The following RNF157 variants were observed in gnomAD, a reference collection of about 807,000 sequenced individuals.
RNF157 encodes E3 ubiquitin ligase RNF157.
Under a neutral mutation model 88.3 loss-of-function variants are expected in RNF157, and 55 were observed. That is an observed-to-expected ratio of 0.62 (90% CI 0.50 to 0.78). The LOEUF (loss-of-function observed/expected upper bound fraction) is 0.78, where lower values mean the gene tolerates loss of function less well. Ranked by LOEUF, RNF157 falls within the 30% of genes least tolerant of loss-of-function variation. The pLI, the probability that RNF157 is intolerant of heterozygous loss-of-function variation, is 0.00. For synonymous variants in RNF157, 334 were observed against 341.2 expected, an observed-to-expected ratio of 0.98 and a Z score of 0.23; for missense variants, 788 against 860.8, an observed-to-expected ratio of 0.92 and a Z score of 1.06.
intron 1 of RNF157, among the ~76,000 whole-genome samples, chr17:76,235,320 C>T (rs2070263280): frequency 6.6e-6 from 1 of 151,980 alleles, no homozygotes; most frequent in Non-Finnish European, 1.5e-5. Context: ...GCCTCAGCCT[C>T]CCGAGTAGTT....
intron 1 of RNF157, among the ~76,000 whole-genome samples, chr17:76,214,622 T>A (rs1169418514): frequency 6.6e-6 from 1 of 152,208 alleles, no homozygotes; most frequent in Non-Finnish European, 1.5e-5. Flanking sequence ...AATTTAATGC[T>A]ATGAAAGAAG....
intron 18 of RNF157, among the ~76,000 whole-genome samples, chr17:76,152,150 A>G (rs1278657513): frequency 1.3e-5 from 2 of 152,218 alleles, no homozygotes; most frequent in African/African-American, 4.8e-5. Context: ...ACTCTCACTC[A>G]GAGCAAGGCT....
intron 2 of RNF157, among the ~76,000 whole-genome samples, chr17:76,190,826 C>T (rs189195006): frequency 9.4e-5 from 14 of 149,096 alleles, no homozygotes; most frequent in African/African-American, 3.5e-4. Context: ...AAGAATGGCA[C>T]GAACCCGGGA....
chr17:76,172,273 C>G (rs1271667511), intron 3 of RNF157, among the ~76,000 whole-genome samples: 1 of 152,038 alleles, frequency 6.6e-6, no homozygotes, highest in African/African-American at 2.4e-5. Flanking sequence ...GAGATCGTGC[C>G]ACTGTACTGC....
In RNF157 at chr17:76,161,990, C is replaced by T. The variant is rs756932914; in HGVS notation, c.805G>A (p.Glu269Lys). ...NTQDSKVAEDEVSDNSAECVV... is the reference protein window; with the variant it reads ...NTQDSKVAEDKVSDNSAECVV... ...CACTCGGCACTGTTATCACTCACTT[C>T]GTCTTCAGCCACCTGGCCAAGGAGA... Residue 269 changes from glutamate to lysine, a missense_variant, in exon 10 of 19, where the codon GAA becomes AAA. Physicochemically the swap from Glu to Lys is moderately conservative, Grantham distance 56. Coordinates refer to ENST00000269391, the MANE Select transcript of RNF157 (RefSeq NM_052916.3). This position sits in a 1 kb window ranked among gnomAD's most constrained non-coding sequence, Gnocchi z 4.6. The T allele has an allele frequency of 6.2e-6, 10 of 1,613,310 alleles. No individual in the cohort carries two copies. The highest frequency in any genetic ancestry group is 5.3e-5 in the African/African-American group (4 of 74,914).
chr17:76,226,678 G>A (rs947999894), intron 1 of RNF157: 1 of 1,612,058 alleles, frequency 6.2e-7, no homozygotes, highest in African/African-American at 1.3e-5. Context: ...GAGGTTTGAA[G>A]TGCTTGGCCA....
intron 2 of RNF157, among the ~76,000 whole-genome samples, chr17:76,192,591 G>A (rs1264730438): frequency 6.6e-6 from 1 of 152,044 alleles, no homozygotes; most frequent in African/African-American, 2.4e-5. Context: ...TATTTGCCCC[G>A]CAGACTAAAT....
intron 3 of RNF157, among the ~76,000 whole-genome samples, chr17:76,172,978 G>A (rs1469230612): frequency 6.6e-6 from 1 of 152,114 alleles, no homozygotes; most frequent in East Asian, 1.9e-4. Context: ...ACAGACACAT[G>A]ATATAGGGAA....
intron 1 of RNF157, among the ~76,000 whole-genome samples, chr17:76,224,720 A>T (rs1233811322): frequency 2.9e-5 from 2 of 69,956 alleles, no homozygotes; most frequent in East Asian, 6.3e-4. Context: ...GATAAGCTTT[A>T]AAAAAAAAAA....
intron 2 of RNF157, among the ~76,000 whole-genome samples, chr17:76,200,115 G>A (rs1391668350): frequency 1.3e-5 from 2 of 152,000 alleles, no homozygotes; most frequent in Middle Eastern, 3.4e-3. Flanking sequence ...GGTGGCGGGC[G>A]CCTGTAGTCC....
chr17:76,155,803 C>A, intron 14 of RNF157, 69 bp from the exon 15 acceptor site: 1 of 1,315,208 alleles, frequency 7.6e-7, no homozygotes, highest in East Asian at 2.6e-5. Context: ...TTCTGGGGAG[C>A]AGAGCCCTCT....
At chr17:76,198,500 C>T (rs962873257) in intron 2 of RNF157, among the ~76,000 whole-genome samples, 7 of 152,164 alleles carry the variant, frequency 4.6e-5, no homozygotes, top group African/African-American at 1.2e-4. Flanking sequence ...TAGCTGGCTG[C>T]GTCCTTTGGG....
rs760814766 is a variant in RNF157 at position 76,144,647 on chromosome 17, A to T, written c.*588T>A. On this transcript the variant is annotated 3_prime_UTR_variant, in exon 19 of 19. Coordinates refer to ENST00000269391, the MANE Select transcript of RNF157 (RefSeq NM_052916.3). ...ACCGCACAGGCATGTGAGGCCCAGA[A>T]GACTGGCTCTGCCACCAGAAGGAAG... is the stretch of plus-strand genomic sequence containing the variant. 2 of 152,274 alleles carry T rather than the reference A, an allele frequency of 1.3e-5. No individual in the cohort carries two copies. The highest frequency in any genetic ancestry group is 2.9e-5 in the Non-Finnish European group (2 of 68,072). The allele number at this position is 152,274 out of a possible 1,614,324, so 9.4% of individuals were successfully genotyped here. A position where few individuals can be genotyped will look rare whatever the true frequency, so the allele number is the denominator to read the frequency against.
At chr17:76,217,700 C>A (rs528281978) in intron 1 of RNF157, among the ~76,000 whole-genome samples, 2 of 152,188 alleles carry the variant, frequency 1.3e-5, no homozygotes. Context: ...AGGAGAAACA[C>A]GTCACTCACA....
chr17:76,160,323 G>A lies in RNF157; in HGVS notation c.1066-750C>T, dbSNP rs1185877063. On this transcript the variant is annotated intron_variant, in intron 11 of 18. Transcript: ENST00000269391. This position sits in a 1 kb window ranked among gnomAD's most constrained non-coding sequence, Gnocchi z 4.3. ...GTTATTAAATTATTAGCTCTTAGAT[G>A]ATGAGGTATAAATGTTTTTAAGGCC... 6.6e-6 allele frequency among the ~76,000 whole-genome samples: 1 copy of A among 151,222 alleles called. No individual in the cohort carries two copies. Among genetic ancestry groups the A allele is most frequent in the African/African-American group, 2.4e-5 (1 of 41,190 alleles).
rs2069111546 is a variant in RNF157, at chr17:76,176,843, G to A, written c.208-3053C>T. 6.6e-6 allele frequency among the ~76,000 whole-genome samples: 1 copy of A among 152,112 alleles called. No homozygotes were observed. Among genetic ancestry groups the A allele is most frequent in the Non-Finnish European group, 1.5e-5 (1 of 68,020 alleles). On this transcript the variant is annotated intron_variant, in intron 2 of 18. Transcript: ENST00000269391. This position sits in a 1 kb window ranked among gnomAD's most constrained non-coding sequence, Gnocchi z 4.2. Reference sequence around the variant, plus strand: ...GGCCATGCTTCAGGGGCCCCGGGCAGGAAGTGGGAGCAGCTTCCGCTTCGG... The same window carrying A: ...GGCCATGCTTCAGGGGCCCCGGGCAAGAAGTGGGAGCAGCTTCCGCTTCGG...
chr17:76,177,986 T>TC (rs2069132036), intron 2 of RNF157, among the ~76,000 whole-genome samples: 1 of 152,218 alleles, frequency 6.6e-6, no homozygotes, highest in Non-Finnish European at 1.5e-5. Flanking sequence ...ACTGCGGGTA[T>TC]CCTCTGAGCT....
intron 8 of RNF157, chr17:76,164,499 C>G (rs921877130): frequency 3.0e-6 from 1 of 332,624 alleles, no homozygotes; most frequent in South Asian, 1.0e-4. Context: ...AACACCAACA[C>G]TTCTGGAACA....
intron 2 of RNF157, among the ~76,000 whole-genome samples, chr17:76,189,050 A>G (rs889067346): frequency 1.3e-5 from 2 of 152,244 alleles, no homozygotes; most frequent in Non-Finnish European, 2.9e-5. Flanking sequence ...GTCATGAAGA[A>G]CAAGGAAAAA....
Sources: allele counts gnomAD v4.1 joint callset (sites outside exome capture counted in the v4.1 genomes callset), GRCh38; gene constraint gnomAD v4.1.1; non-coding constraint Gnocchi (gnomAD v3.1); transcripts MANE v1.5; gene names NCBI Gene and HGNC (gene_info 2026-07-23, HGNC 2026-07-21).